LGSN: variants seen among roughly 807,000 people sequenced by gnomAD.
LGSN encodes the protein lengsin.
LGSN carries 21 observed loss-of-function variants against 19.5 expected under a neutral mutation model. That is an observed-to-expected ratio of 1.07 (90% confidence interval 0.76 to 1.55). The LOEUF is 1.55. Ranked by LOEUF, LGSN falls within the 40% of genes most tolerant of loss-of-function variation. The probability of loss-of-function intolerance (pLI) is 0.00; values close to 1 mark genes in which losing one functional copy is unlikely to be tolerated. For missense variants in LGSN, 673 were observed against 608.5 expected (o/e 1.11, Z -1.12); for synonymous variants, 257 against 215.6 (o/e 1.19, Z -1.68).
chr6:63,281,836 T>C (rs1349275230), intron 3 of LGSN, among the ~76,000 whole-genome samples: 1 of 152,224 alleles, frequency 6.6e-6, no homozygotes, highest in Admixed American at 6.5e-5. Flanking sequence ...AAAACCTCAC[T>C]GTCTCAGAGT....
At chr6:63,541,000 C>CA in the LGSN span, among the ~76,000 whole-genome samples, 13 of 121,478 alleles carry the variant, frequency 1.1e-4, no homozygotes, top group South Asian at 2.6e-4. Context: ...AAGACTCTGT[C>CA]AAAAAAAAGG....
chr6:63,549,772 A>T, the LGSN span, among the ~76,000 whole-genome samples: 1 of 152,152 alleles, frequency 6.6e-6, no homozygotes, highest in Non-Finnish European at 1.5e-5. Context: ...GATCTTATAG[A>T]AGTAAAAAGT....
At position 63,281,226 on chromosome 6, in the gene LGSN, G is replaced by T; in HGVS notation, c.331-6C>A. On this transcript the variant is annotated splice_polypyrimidine_tract_variant and splice_region_variant and intron_variant, in intron 3 of 3. Transcript: ENST00000370657. ...ACACCATGGCTCACTTTCTCCTAAAGAAGGAAAAAAATGAAGAAATTAGGT... is the reference window on the plus strand; with the variant it reads ...ACACCATGGCTCACTTTCTCCTAAATAAGGAAAAAAATGAAGAAATTAGGT... 1 of 1,458,948 alleles carries T rather than the reference G, an allele frequency of 6.9e-7. No homozygotes were observed. Among genetic ancestry groups the T allele is most frequent in the Non-Finnish European group, 9.1e-7 (1 of 1,102,976 alleles). 90.4% of individuals were successfully genotyped at this position (1,458,948 alleles called of 1,614,324 possible).
chr6:63,435,333 C>A, the LGSN span, among the ~76,000 whole-genome samples: 3 of 152,196 alleles, frequency 2.0e-5, no homozygotes, highest in African/African-American at 7.2e-5. Context: ...AGCACCAATT[C>A]TGTCAAGTTT....
chr6:63,490,801 C>T, the LGSN span, among the ~76,000 whole-genome samples: 1 of 152,096 alleles, frequency 6.6e-6, no homozygotes, highest in Non-Finnish European at 1.5e-5. Flanking sequence ...AAGCTGGATG[C>T]ACAGGAAAGC....
chr6:63,487,619 A>T, the LGSN span, among the ~76,000 whole-genome samples: 2 of 152,222 alleles, frequency 1.3e-5, no homozygotes, highest in South Asian at 4.1e-4. Context: ...CCTATGTATA[A>T]TAATGAACAC....
intron 2 of LGSN, chr6:63,293,553 C>T (rs998567496): frequency 1.0e-5 from 3 of 295,654 alleles, no homozygotes; most frequent in South Asian, 6.2e-5. Context: ...TTCTGACTCC[C>T]GGGCTAGTAT....
chr6:63,454,464 C>T, the LGSN span, among the ~76,000 whole-genome samples: 5 of 139,262 alleles, frequency 3.6e-5, no homozygotes, highest in Non-Finnish European at 6.2e-5. Flanking sequence ...GAAGTTTTTA[C>T]ATTTTCTTTT....
At chr6:63,383,268 T>C in the LGSN span, among the ~76,000 whole-genome samples, 1 of 150,884 alleles carries the variant, frequency 6.6e-6, no homozygotes, top group Non-Finnish European at 1.5e-5. Context: ...CAACCAAGAG[T>C]GGATTTTTTT....
chr6:63,333,633 G>GA, the LGSN span, among the ~76,000 whole-genome samples: 1 of 147,660 alleles, frequency 6.8e-6, no homozygotes, highest in Admixed American at 6.8e-5. Flanking sequence ...GCAAAAAAAA[G>GA]AAAAGAAAAA....
chr6:63,572,437 A>C, the LGSN span: 6 of 369,068 alleles, frequency 1.6e-5, no homozygotes, highest in East Asian at 3.9e-5. Context: ...GGAGGGTTGC[A>C]CGTCGCGCCG....
the LGSN span, among the ~76,000 whole-genome samples, chr6:63,385,125 A>G: frequency 2.6e-5 from 4 of 152,238 alleles, no homozygotes; most frequent in Non-Finnish European, 4.4e-5. Context: ...AGCCCTAGAA[A>G]TCTAATATAG....
At chr6:63,427,913 TA>T in the LGSN span, among the ~76,000 whole-genome samples, 74,259 of 151,732 alleles carry the variant, frequency 0.49, 19,023 homozygotes, top group Non-Finnish European at 0.54. Flanking sequence ...GTTATTGATT[TA>T]AAAAAAAATC....
the LGSN span, chr6:63,572,543 C>T: frequency 2.8e-5 from 11 of 396,340 alleles, no homozygotes; most frequent in Non-Finnish European, 4.9e-5. Flanking sequence ...CTGCTCCGAG[C>T]CGCTCACTGC....
chr6:63,454,350 T>C, the LGSN span, among the ~76,000 whole-genome samples: 39 of 152,296 alleles, frequency 2.6e-4, 1 homozygote, highest in Middle Eastern at 3.4e-3. Context: ...GACATCAATA[T>C]TAAACCCCAG....
At chr6:63,412,529 G>GAAGGAAGGAAGGAAAGAAA in the LGSN span, among the ~76,000 whole-genome samples, 1 of 32,406 alleles carries the variant, frequency 3.1e-5, no homozygotes, top group Non-Finnish European at 5.7e-5. Context: ...AAAGAAAGAA[G>GAAGGAAGGAAGGAAAGAAA]GAAAGAAAGA....
chr6:63,402,862 G>T, the LGSN span, among the ~76,000 whole-genome samples: 1 of 151,782 alleles, frequency 6.6e-6, no homozygotes, highest in African/African-American at 2.4e-5. Flanking sequence ...CCATAATATG[G>T]TTGGGGCTCA....
At chr6:63,348,914 C>T in the LGSN span, among the ~76,000 whole-genome samples, 15 of 151,962 alleles carry the variant, frequency 9.9e-5, no homozygotes, top group Admixed American at 3.9e-4. Flanking sequence ...TTTAAAACTA[C>T]GTAGTAAAGG....
chr6:63,445,551 G>C, the LGSN span, among the ~76,000 whole-genome samples: 2 of 152,226 alleles, frequency 1.3e-5, no homozygotes, highest in African/African-American at 2.4e-5. Context: ...CTGGAAGGTG[G>C]AGGTTGCAGT....
Sources: gnomAD v4.1 joint callset for allele counts (sites outside exome capture counted in the v4.1 genomes callset) on GRCh38, gnomAD v4.1.1 for gene constraint, MANE v1.5 for transcripts, NCBI Gene and HGNC (gene_info 2026-07-23, HGNC 2026-07-21) for gene names.